STK3: variants seen among roughly 807,000 people sequenced by gnomAD.
STK3 encodes serine/threonine-protein kinase 3.
STK3 carries 41 observed loss-of-function variants against 58.0 expected under a neutral mutation model. The observed-to-expected ratio is 0.71, with a 90% CI of 0.55 to 0.92. The LOEUF (loss-of-function observed/expected upper bound fraction) is 0.92. Among genes scored for constraint, STK3 ranks in the 40% least tolerant of loss-of-function variants. STK3 has a pLI of 0.00. For missense variants in STK3, 479 were observed against 602.7 expected, an observed-to-expected ratio of 0.79 and a Z score of 2.15; for synonymous variants, 170 against 191.0, an observed-to-expected ratio of 0.89 and a Z score of 0.91.
At chr8:98,346,284 CA>C in the STK3 span, among the ~76,000 whole-genome samples, 66,112 of 117,934 alleles carry the variant, frequency 0.56, 15,346 homozygotes, top group Admixed American at 0.6. Context: ...GACTCCGTCT[CA>C]AAAAAAAAAA....
intron 4 of STK3, among the ~76,000 whole-genome samples, chr8:98,711,410 T>C (rs1000689790): frequency 2.0e-5 from 3 of 151,904 alleles, no homozygotes; most frequent in African/African-American, 7.3e-5. Flanking sequence ...AATGGCTAAC[T>C]AGAATAACCA....
intron 6 of STK3, among the ~76,000 whole-genome samples, chr8:98,631,038 C>T (rs903898230): frequency 1.3e-5 from 2 of 152,150 alleles, no homozygotes; most frequent in African/African-American, 4.8e-5. Flanking sequence ...TTACATTCCA[C>T]ATTTAGATAA....
intron 9 of STK3, among the ~76,000 whole-genome samples, chr8:98,541,367 CG>C (rs1563720636): frequency 6.6e-6 from 1 of 152,048 alleles, no homozygotes; most frequent in Non-Finnish European, 1.5e-5. Context: ...TAGCCCCACC[CG>C]CTTTGCTCTT....
the STK3 span, among the ~76,000 whole-genome samples, chr8:98,366,012 A>C: frequency 6.6e-6 from 1 of 152,138 alleles, no homozygotes; most frequent in Non-Finnish European, 1.5e-5. Flanking sequence ...TTTCCCTAAG[A>C]TATAACCTAG....
At chr8:98,896,998 A>T (rs899906024) in intron 1 of STK3, among the ~76,000 whole-genome samples, 2 of 146,150 alleles carry the variant, frequency 1.4e-5, no homozygotes, top group East Asian at 4.3e-4. Flanking sequence ...TAATAACAAT[A>T]AAAAAATAAA....
chr8:98,364,035 C>T, the STK3 span, among the ~76,000 whole-genome samples: 3 of 152,194 alleles, frequency 2.0e-5, no homozygotes, highest in East Asian at 1.9e-4. Context: ...CTGGGAAGCC[C>T]GGAGCTGAGA....
chr8:98,869,513 C>T (rs1047365498), intron 3 of STK3, among the ~76,000 whole-genome samples: 2 of 151,986 alleles, frequency 1.3e-5, no homozygotes, highest in East Asian at 3.9e-4. Flanking sequence ...TGATAGGTGT[C>T]CTTATAGAGA....
intron 6 of STK3, among the ~76,000 whole-genome samples, chr8:98,619,116 G>A (rs1421539508): frequency 6.6e-6 from 1 of 150,584 alleles, no homozygotes; most frequent in East Asian, 2.0e-4. Context: ...CCAAAACAGA[G>A]ATATAGATCA....
chr8:98,627,955 A>C (rs1818862346), intron 6 of STK3, among the ~76,000 whole-genome samples: 1 of 152,216 alleles, frequency 6.6e-6, no homozygotes, highest in Non-Finnish European at 1.5e-5. Flanking sequence ...AAATGAGAAA[A>C]TATATAAGAT....
chr8:98,789,895 G>T (rs1832698390), intron 1 of STK3, among the ~76,000 whole-genome samples: 1 of 152,062 alleles, frequency 6.6e-6, no homozygotes. Flanking sequence ...GGGCGTGGTG[G>T]TAAGCAGCTG....
intron 3 of STK3, among the ~76,000 whole-genome samples, chr8:98,765,907 T>C (rs1830916444): frequency 1.3e-5 from 2 of 152,262 alleles, no homozygotes; most frequent in African/African-American, 2.4e-5. Context: ...TTGCATAAGA[T>C]GCTTCTCACC....
chr8:98,654,957 C>T (rs1397185193), intron 6 of STK3, among the ~76,000 whole-genome samples: 1 of 151,980 alleles, frequency 6.6e-6, no homozygotes, highest in African/African-American at 2.4e-5. Flanking sequence ...CTACCAGTGA[C>T]TTTCTTCACA....
At chr8:98,472,755 A>G (rs1821020945) in intron 10 of STK3, among the ~76,000 whole-genome samples, 1 of 152,154 alleles carries the variant, frequency 6.6e-6, no homozygotes, top group Non-Finnish European at 1.5e-5. Flanking sequence ...CTCACAATAA[A>G]CCAAAATAAA....
chr8:98,871,310 T>C (rs893814811), intron 3 of STK3, among the ~76,000 whole-genome samples: 2 of 152,112 alleles, frequency 1.3e-5, no homozygotes, highest in African/African-American at 4.8e-5. Context: ...TTGCTTAGGA[T>C]TGTCTTGGCA....
At chr8:98,394,017 T>G (rs537721650) in intron 3 of STK3, among the ~76,000 whole-genome samples, 1 of 152,254 alleles carries the variant, frequency 6.6e-6, no homozygotes, top group African/African-American at 2.4e-5. Flanking sequence ...AGTACAAGGC[T>G]TTAGTGGTAC....
intron 10 of STK3, among the ~76,000 whole-genome samples, chr8:98,513,546 C>T (rs983476868): frequency 1.3e-5 from 2 of 152,070 alleles, no homozygotes; most frequent in Admixed American, 1.3e-4. Flanking sequence ...GGCATATGTC[C>T]CTAGAAGTTG....
At chr8:98,699,113 C>G (rs1310045459) in intron 6 of STK3, among the ~76,000 whole-genome samples, 1 of 152,170 alleles carries the variant, frequency 6.6e-6, no homozygotes, top group African/African-American at 2.4e-5. Context: ...TCATTCATTT[C>G]GTCTTCCATC....
At chr8:98,842,799 G>A (rs1262778211) in intron 3 of STK3, among the ~76,000 whole-genome samples, 1 of 152,140 alleles carries the variant, frequency 6.6e-6, no homozygotes, top group East Asian at 1.9e-4. Context: ...TCAGGAGTTT[G>A]AGACCAGCCT....
At chr8:98,573,646 A>C (rs1258182165) in intron 8 of STK3, among the ~76,000 whole-genome samples, 2 of 152,038 alleles carry the variant, frequency 1.3e-5, no homozygotes, top group East Asian at 3.9e-4. Context: ...CCTTTCCAAC[A>C]GTCCCCCAAA....
Sources: gnomAD v4.1 joint callset for allele counts (sites outside exome capture counted in the v4.1 genomes callset) on GRCh38, gnomAD v4.1.1 for gene constraint, MANE v1.5 for transcripts, NCBI Gene and HGNC (gene_info 2026-07-23, HGNC 2026-07-21) for gene names.